Variants in COL24A1 observed in about 807,000 individuals in gnomAD.
COL24A1 encodes collagen type XXIV alpha 1 chain, also known as collagen alpha-1(XXIV) chain.
COL24A1 carries 224 observed loss-of-function variants against 253.9 expected under a neutral mutation model. The observed-to-expected ratio is 0.88, with a 90% CI of 0.79 to 0.99. The LOEUF (loss-of-function observed/expected upper bound fraction) is 0.99. Among genes scored for constraint, COL24A1 ranks in the 50% least tolerant of loss-of-function variants. The probability of loss-of-function intolerance (pLI) is 0.00; values close to 1 mark genes in which losing one functional copy is unlikely to be tolerated. For synonymous variants in COL24A1, 685 were observed against 673.7 expected (o/e 1.02, Z -0.26); for missense variants, 2,131 against 2,068.5 (o/e 1.03, Z -0.59).
chr1:85,890,078 C>T (rs1161127597), intron 31 of COL24A1, among the ~76,000 whole-genome samples: 6 of 152,096 alleles, frequency 3.9e-5, no homozygotes, highest in Admixed American at 6.5e-5. Flanking sequence ...TAGCATGTGT[C>T]AAAACTTCCT....
chr1:86,015,120 A>G (rs1311042582), intron 19 of COL24A1, among the ~76,000 whole-genome samples: 1 of 152,230 alleles, frequency 6.6e-6, no homozygotes, highest in African/African-American at 2.4e-5. Flanking sequence ...CCTAATGTTG[A>G]CAAGGATTTG....
At chr1:85,915,010 G>C (rs1002549796) in intron 24 of COL24A1, among the ~76,000 whole-genome samples, 31 of 152,284 alleles carry the variant, frequency 2.0e-4, no homozygotes, top group Middle Eastern at 3.4e-3. Flanking sequence ...AAGGTCACTG[G>C]GTTACAGAGT....
rs117307073 is a variant in COL24A1, at chr1:85,934,691, G to T, written c.2563-23258C>A. Among the ~76,000 whole-genome samples, 207 of 152,194 alleles carry T rather than the reference G, an allele frequency of 1.4e-3. 9 individuals carry two copies. In the East Asian group the frequency reaches 0.039, roughly 29 times the overall value. The stretch of plus-strand genomic sequence containing the variant: ...CAATCTATGGCTCTGATGGCTGGCT[G>T]CCTGTTTTGTAAATAGTTTCATTGG... On this transcript the variant is annotated intron_variant, in intron 24 of 59. Transcript: ENST00000370571.
chr1:85,741,617 A>G (rs188779481), intron 57 of COL24A1, among the ~76,000 whole-genome samples: 1 of 152,268 alleles, frequency 6.6e-6, no homozygotes, highest in African/African-American at 2.4e-5. Flanking sequence ...TGAAGCCACC[A>G]AGCTTCTCAA....
rs367823525 is a variant in COL24A1, at chr1:86,088,829, T to C, written c.1707+345A>G. 1.3e-4 allele frequency among the ~76,000 whole-genome samples: 20 copies of C among 151,822 alleles called. No individual in the cohort carries two copies. The South Asian group carries it at 4.2e-3, about 32-fold the overall frequency. ...TCTCAGAAGTAGGTCATTTCCCTAA[T>C]ATAGTTTTAAAAAGGAAAGCTTCAA... On this transcript the variant is annotated intron_variant, in intron 7 of 59. Transcript: ENST00000370571.
At chr1:85,789,410 G>A (rs1012546762) in intron 47 of COL24A1, among the ~76,000 whole-genome samples, 31 of 152,090 alleles carry the variant, frequency 2.0e-4, no homozygotes, top group African/African-American at 6.5e-4. Context: ...CATTGATTTT[G>A]TATCCTGAGA....
At chr1:85,776,427 A>T (rs1474304933) in intron 52 of COL24A1, among the ~76,000 whole-genome samples, 1 of 152,026 alleles carries the variant, frequency 6.6e-6, no homozygotes, top group Non-Finnish European at 1.5e-5. Context: ...GGGTGGACCT[A>T]CTGCTTTTAA....
chr1:86,006,245 T>C (rs1401332106), intron 19 of COL24A1, among the ~76,000 whole-genome samples: 1 of 152,072 alleles, frequency 6.6e-6, no homozygotes, highest in Non-Finnish European at 1.5e-5. Context: ...CTGATACTAC[T>C]GGACCTCAAG....
intron 1 of COL24A1, among the ~76,000 whole-genome samples, chr1:86,150,188 G>T (rs1652558967): frequency 6.6e-6 from 1 of 152,106 alleles, no homozygotes; most frequent in East Asian, 1.9e-4. Flanking sequence ...CTTGCTCCAT[G>T]AAGTTTCCCA....
chr1:85,869,488 C>T (rs112664082), intron 35 of COL24A1, among the ~76,000 whole-genome samples: 91 of 152,314 alleles, frequency 6.0e-4, no homozygotes, highest in Admixed American at 5.2e-4. Context: ...ATCAGACTAA[C>T]AGCGGATCTC....
In COL24A1 at chr1:85,780,382, T is replaced by G. The variant is rs568702780; in HGVS notation, c.4338+838A>C. Among the ~76,000 whole-genome samples the G allele has an allele frequency of 9.4e-3, 1,428 of 152,310 alleles. 55 individuals are homozygous for G. The highest frequency in any genetic ancestry group is 0.063 in the Admixed American group (969 of 15,288). On this transcript the variant is annotated intron_variant, in intron 52 of 59. Coordinates refer to ENST00000370571, the MANE Select transcript of COL24A1 (RefSeq NM_152890.7). ...CTCTAAGTCTCAATTTGACCCTTTCTACTGTGCTCCTTGCTTGTTTATACT... is the reference window on the plus strand; with the variant it reads ...CTCTAAGTCTCAATTTGACCCTTTCGACTGTGCTCCTTGCTTGTTTATACT...
At chr1:86,053,410 G>A (rs1005797120) in intron 10 of COL24A1, among the ~76,000 whole-genome samples, 3 of 151,960 alleles carry the variant, frequency 2.0e-5, no homozygotes, top group Non-Finnish European at 2.9e-5. Flanking sequence ...TAATTGCTTA[G>A]GTGTTTCATA....
chr1:85,947,135 T>A (rs546551837), intron 24 of COL24A1, among the ~76,000 whole-genome samples: 1 of 152,328 alleles, frequency 6.6e-6, no homozygotes, highest in East Asian at 1.9e-4. Context: ...TGCCTTAACA[T>A]CCTTGTCCCC....
intron 19 of COL24A1, among the ~76,000 whole-genome samples, chr1:85,995,652 G>T (rs1480766898): frequency 6.6e-6 from 1 of 152,108 alleles, no homozygotes; most frequent in African/African-American, 2.4e-5. Context: ...GGTTTGATGG[G>T]TGTGTTCACT....
At chr1:85,836,484 T>G (rs1027105451) in intron 43 of COL24A1, among the ~76,000 whole-genome samples, 48 of 152,308 alleles carry the variant, frequency 3.2e-4, no homozygotes, top group African/African-American at 1.1e-3. Context: ...AATATCCATA[T>G]AGAAAAGCAA....
At chr1:85,802,484 CCA>C (rs1671535617) in intron 47 of COL24A1, among the ~76,000 whole-genome samples, 1 of 152,072 alleles carries the variant, frequency 6.6e-6, no homozygotes, top group African/African-American at 2.4e-5. Flanking sequence ...TTTACAAACT[CCA>C]GTTATCTTTT....
chr1:86,030,589 C>A (rs2101495061), intron 14 of COL24A1: 1 of 152,296 alleles, frequency 6.6e-6, no homozygotes, highest in East Asian at 1.9e-4. Context: ...TCCAACAGAC[C>A]CTCAAACCCA....
intron 52 of COL24A1, among the ~76,000 whole-genome samples, chr1:85,780,139 C>T (rs929321425): frequency 6.6e-6 from 1 of 152,056 alleles, no homozygotes; most frequent in African/African-American, 2.4e-5. Context: ...CTCCGAGTGG[C>T]AAATGTTGAA....
chr1:85,989,927 G>A (rs551545688), intron 19 of COL24A1, among the ~76,000 whole-genome samples: 1 of 152,106 alleles, frequency 6.6e-6, no homozygotes, highest in Admixed American at 6.5e-5. Context: ...CACCATCCTG[G>A]GGTCCTATAA....
Sources: gnomAD v4.1 joint callset for allele counts (sites outside exome capture counted in the v4.1 genomes callset) on GRCh38, gnomAD v4.1.1 for gene constraint, MANE v1.5 for transcripts, NCBI Gene and HGNC (gene_info 2026-07-23, HGNC 2026-07-21) for gene names.